The following IGF2BP3 variants were observed in gnomAD, a reference collection of about 807,000 sequenced individuals.
IGF2BP3 encodes insulin-like growth factor 2 mRNA-binding protein 3.
In IGF2BP3, 9 loss-of-function variants were observed where a neutral mutation model predicts 73.8. The ratio of observed to expected loss-of-function variants is 0.12; its 90% CI spans 0.07 to 0.21. The LOEUF is 0.21. IGF2BP3 is among the 10% of genes least tolerant of loss of function. The pLI is 1.00. For synonymous variants in IGF2BP3, 258 were observed against 256.7 expected (o/e 1.01, Z -0.05); for missense variants, 542 against 714.0 (o/e 0.76, Z 2.75).
chr7:23,379,691 T>C (rs186464853), intron 3 of IGF2BP3, among the ~76,000 whole-genome samples: 39 of 152,288 alleles, frequency 2.6e-4, no homozygotes, highest in Admixed American at 8.5e-4. Flanking sequence ...TTAAAGATAC[T>C]ACAAAACAAA....
chr7:23,459,276 A>G (rs538020280), intron 2 of IGF2BP3, among the ~76,000 whole-genome samples: 34 of 152,272 alleles, frequency 2.2e-4, no homozygotes, highest in Admixed American at 2.0e-3. Flanking sequence ...CAGGATTCAT[A>G]ATTGGGGAAA....
rs1241626436 is a variant in IGF2BP3, at chr7:23,356,768, T to C, written c.401+4766A>G. On this transcript the variant is annotated intron_variant, in intron 5 of 14. Transcript: ENST00000258729. ...TTATTGAAAGCCTGGGTAATATGAT[T>C]TTAAGGATGTACCGTAATGCAATAA... 2.0e-5 allele frequency among the ~76,000 whole-genome samples: 3 copies of C among 152,150 alleles called. No homozygotes were observed. In the East Asian group the frequency reaches 5.8e-4, roughly 29 times the overall value.
intron 6 of IGF2BP3, among the ~76,000 whole-genome samples, chr7:23,349,851 C>T (rs571740056): frequency 1.3e-5 from 2 of 152,238 alleles, no homozygotes; most frequent in East Asian, 1.9e-4. Context: ...TAATCTGCTA[C>T]ATGAGAAGGA....
At chr7:23,355,633 T>G (rs1342417313) in intron 5 of IGF2BP3, among the ~76,000 whole-genome samples, 1 of 152,124 alleles carries the variant, frequency 6.6e-6, no homozygotes, top group Non-Finnish European at 1.5e-5. Flanking sequence ...TTAAATGTAT[T>G]GATAAGAAGT....
chr7:23,466,799 T>C (rs945585517), intron 2 of IGF2BP3, among the ~76,000 whole-genome samples: 12 of 152,362 alleles, frequency 7.9e-5, no homozygotes, highest in Admixed American at 7.2e-4. Context: ...GTAATCTGTA[T>C]TTACATGTAG....
chr7:23,468,413 C>A (rs770165295), intron 2 of IGF2BP3, 69 bp downstream of exon 2: 146 of 1,526,284 alleles, frequency 9.6e-5, no homozygotes, highest in Non-Finnish European at 1.3e-4. Context: ...ACAAGAAGTT[C>A]TCAGCTGAGT....
intron 5 of IGF2BP3, 136 bp from the exon 6 acceptor site, chr7:23,351,722 A>C (rs1784967356): frequency 1.2e-6 from 1 of 835,984 alleles, no homozygotes; most frequent in African/African-American, 1.7e-5. Flanking sequence ...ACAAGCAGCA[A>C]ACCCGCAACA....
chr7:23,407,519 G>C (rs928690137), intron 3 of IGF2BP3, among the ~76,000 whole-genome samples: 5 of 149,514 alleles, frequency 3.3e-5, no homozygotes, highest in African/African-American at 1.2e-4. Context: ...CGAGGCAGGA[G>C]AATCACTTGA....
At position 23,470,408 on chromosome 7, in the gene IGF2BP3, G is replaced by A. The variant is rs1489242991; in HGVS notation, c.-298C>T. 9.9e-6 allele frequency: 2 copies of A among 202,836 alleles called. No homozygotes were observed. The highest frequency in any genetic ancestry group is 4.6e-5 in the African/African-American group (2 of 43,262). 12.6% of individuals were successfully genotyped at this position (202,836 alleles called of 1,614,324 possible). The stretch of plus-strand genomic sequence containing the variant: ...AGGCGGGATTAGCAAGAGAAAGGAG[G>A]AGGAGGAGGGGAAAAAACTACTTTT... On this transcript the variant is annotated 5_prime_UTR_variant, in exon 1 of 15. Coordinates refer to ENST00000258729, the MANE Select transcript of IGF2BP3 (RefSeq NM_006547.3).
chr7:23,330,225 A>G (rs775020935), intron 10 of IGF2BP3, among the ~76,000 whole-genome samples: 4 of 151,814 alleles, frequency 2.6e-5, no homozygotes, highest in Non-Finnish European at 5.9e-5. Flanking sequence ...GGCGGAGGCT[A>G]CAGTGAGCAG....
chr7:23,347,707 C>A lies in IGF2BP3; in HGVS notation c.711G>T (p.Ala237=). Residue 237 remains alanine (A), a synonymous_variant, in exon 7 of 15, where the codon GCG becomes GCT. Transcript: ENST00000258729. ...TAGTAATCGACTTCTCAGCAGCCCC[C>A]GCATTTTCTTTACGGTGGACATCGA... is the stretch of plus-strand genomic sequence containing the variant. ...SKIDVHRKEN[A]GAAEKSITIL... The A allele has an allele frequency of 6.2e-7, 1 of 1,614,024 alleles. No homozygotes were observed. The highest frequency in any genetic ancestry group is 8.5e-7 in the Non-Finnish European group (1 of 1,180,008).
At chr7:23,369,168 G>T (rs986854337) in intron 3 of IGF2BP3, among the ~76,000 whole-genome samples, 1 of 152,044 alleles carries the variant, frequency 6.6e-6, no homozygotes, top group African/African-American at 2.4e-5. Context: ...TGGATCCCCA[G>T]GTTGCAAGTT....
chr7:23,347,538 G>T lies in IGF2BP3; in HGVS notation c.818+62C>A. 3 of 1,551,522 alleles carry T rather than the reference G, an allele frequency of 1.9e-6. No homozygotes were observed. The South Asian group carries it at 3.5e-5, about 18-fold the overall frequency. On this transcript the variant is annotated intron_variant, in intron 7 of 14. Coordinates refer to ENST00000258729, the MANE Select transcript of IGF2BP3 (RefSeq NM_006547.3). ...GGCAATTCCCAAGAATTGTGTCAGA[G>T]ATGTCAAAAATACAAGAGCACAAAT...
In IGF2BP3 at chr7:23,340,849, C is replaced by A. The variant is rs186110820; in HGVS notation, c.1203+1215G>T. Among the ~76,000 whole-genome samples, 349 of 139,380 alleles carry A rather than the reference C, an allele frequency of 2.5e-3. 2 individuals carry two copies. The highest frequency in any genetic ancestry group is 0.019 in the Middle Eastern group (5 of 266). 91.4% of individuals were successfully genotyped at this position (139,380 alleles called of 152,430 possible). On this transcript the variant is annotated intron_variant, in intron 10 of 14. Transcript: ENST00000258729. The stretch of plus-strand genomic sequence containing the variant: ...AAAATATTTCTTTCTTTTTCTTTTT[C>A]TTTTTTTTTTTTTTTTCCCAGACAG...
intron 7 of IGF2BP3, among the ~76,000 whole-genome samples, chr7:23,346,473 A>G (rs1161369233): frequency 6.6e-6 from 1 of 152,234 alleles, no homozygotes; most frequent in Non-Finnish European, 1.5e-5. Context: ...GGGGAAGGGC[A>G]TAAGAACAGG....
intron 3 of IGF2BP3, among the ~76,000 whole-genome samples, chr7:23,403,027 T>C (rs1317009533): frequency 1.3e-5 from 2 of 152,144 alleles, no homozygotes; most frequent in African/African-American, 4.8e-5. Context: ...TAAAGAGAGG[T>C]GGCCTCATGT....
chr7:23,441,174 TACTTCTAACAAGAC>T (rs1459651401), intron 2 of IGF2BP3, among the ~76,000 whole-genome samples: 1 of 152,118 alleles, frequency 6.6e-6, no homozygotes, highest in African/African-American at 2.4e-5. Context: ...AGATCTGATT[TACTTCTAACAAGAC>T]ACACATCTTA....
chr7:23,454,841 T>C (rs11762106), intron 2 of IGF2BP3, among the ~76,000 whole-genome samples: 52,777 of 152,108 alleles, frequency 0.35, 9,541 homozygotes, highest in Middle Eastern at 0.42. Context: ...TTAACAAAAA[T>C]CATATAATAC....
chr7:23,460,905 C>T (rs1359481715), intron 2 of IGF2BP3, among the ~76,000 whole-genome samples: 2 of 152,058 alleles, frequency 1.3e-5, no homozygotes, highest in African/African-American at 2.4e-5. Context: ...GAGCCAAGAT[C>T]GCACCACTGT....
Sources: gnomAD v4.1 joint callset for allele counts (sites outside exome capture counted in the v4.1 genomes callset) on GRCh38, gnomAD v4.1.1 for gene constraint, MANE v1.5 for transcripts, NCBI Gene and HGNC (gene_info 2026-07-23, HGNC 2026-07-21) for gene names.